ASIC2: variants seen among roughly 807,000 people sequenced by gnomAD.
ASIC2 encodes acid sensing ion channel subunit 2.
ASIC2 carries 25 observed loss-of-function variants against 57.3 expected under a neutral mutation model. The ratio of observed to expected loss-of-function variants is 0.44; its 90% CI spans 0.32 to 0.61. The LOEUF (loss-of-function observed/expected upper bound fraction) is 0.61. Ranked by LOEUF, ASIC2 falls within the 20% of genes least tolerant of loss-of-function variation. ASIC2 has a pLI of 0.06. For synonymous variants in ASIC2, 319 were observed against 307.5 expected, an observed-to-expected ratio of 1.04 and a Z score of -0.39; for missense variants, 641 against 738.1, an observed-to-expected ratio of 0.87 and a Z score of 1.52.
intron 1 of ASIC2, among the ~76,000 whole-genome samples, chr17:33,958,165 A>G (rs897192318): frequency 1.6e-4 from 24 of 152,230 alleles, no homozygotes; most frequent in African/African-American, 5.5e-4. Context: ...AGGTACAGCT[A>G]TCCTCCTGGC....
intron 1 of ASIC2, among the ~76,000 whole-genome samples, chr17:33,812,429 T>C (rs1912449679): frequency 6.6e-6 from 1 of 151,956 alleles, no homozygotes; most frequent in Non-Finnish European, 1.5e-5. Context: ...GGAGGAGAGA[T>C]TGGAGAGGAG....
At chr17:33,327,680 G>A (rs909947619) in intron 1 of ASIC2, among the ~76,000 whole-genome samples, 8 of 152,150 alleles carry the variant, frequency 5.3e-5, no homozygotes, top group South Asian at 2.1e-4. Context: ...TCGTTCATTA[G>A]AAAAGACTCC....
chr17:33,957,759 C>G (rs1302964864), intron 1 of ASIC2, among the ~76,000 whole-genome samples: 1 of 152,172 alleles, frequency 6.6e-6, no homozygotes, highest in Non-Finnish European at 1.5e-5. Context: ...TCCCAAATCT[C>G]ACGTCCTCAC....
At chr17:34,068,412 T>C (rs1909254685) in intron 1 of ASIC2, among the ~76,000 whole-genome samples, 1 of 152,190 alleles carries the variant, frequency 6.6e-6, no homozygotes, top group South Asian at 2.1e-4. Context: ...GAGATGCCTA[T>C]CTTTCCCTGG....
intron 1 of ASIC2, among the ~76,000 whole-genome samples, chr17:33,340,430 G>A (rs370486835): frequency 2.7e-3 from 410 of 152,266 alleles, no homozygotes; most frequent in Non-Finnish European, 4.7e-3. Context: ...GTTGGATACT[G>A]CTCTCTTTTT....
intron 1 of ASIC2, among the ~76,000 whole-genome samples, chr17:33,640,856 C>G (rs1166037596): frequency 6.6e-6 from 1 of 152,158 alleles, no homozygotes; most frequent in Non-Finnish European, 1.5e-5. Flanking sequence ...CGGCTGAGAG[C>G]AGGAATCCCC....
At chr17:34,046,696 T>C (rs907191855) in intron 1 of ASIC2, among the ~76,000 whole-genome samples, 1 of 152,228 alleles carries the variant, frequency 6.6e-6, no homozygotes, top group Non-Finnish European at 1.5e-5. Context: ...TGTATAGTAC[T>C]GAATGGGAAA....
chr17:33,254,267 T>C (rs1908982124), intron 1 of ASIC2, among the ~76,000 whole-genome samples: 1 of 152,144 alleles, frequency 6.6e-6, no homozygotes, highest in South Asian at 2.1e-4. Flanking sequence ...ATCAAACCTA[T>C]AATCCTCTCT....
At chr17:33,719,289 G>C (rs1329118696) in intron 1 of ASIC2, among the ~76,000 whole-genome samples, 1 of 152,196 alleles carries the variant, frequency 6.6e-6, no homozygotes, top group Non-Finnish European at 1.5e-5. Context: ...AGGGCTTGGT[G>C]ACCAGGAGTG....
Position 33,447,133 on chromosome 17 carries a change from C to T in ASIC2, c.556-335066G>A, listed in dbSNP as rs928098740. Among the ~76,000 whole-genome samples the T allele has an allele frequency of 7.9e-5, 12 of 152,256 alleles. 1 individual carries two copies. The South Asian group carries it at 1.2e-3, about 16-fold the overall frequency. ...TCCCTGTTTATTTTCTGCCTGCCTTCGTGAGTTTAGGTCCTGGTACATGAG... is the reference window on the plus strand; with the variant it reads ...TCCCTGTTTATTTTCTGCCTGCCTTTGTGAGTTTAGGTCCTGGTACATGAG... On this transcript the variant is annotated intron_variant, in intron 1 of 9. Transcript: ENST00000359872.
At chr17:33,249,189 A>G (rs1436678477) in intron 1 of ASIC2, among the ~76,000 whole-genome samples, 2 of 151,946 alleles carry the variant, frequency 1.3e-5, no homozygotes, top group Non-Finnish European at 2.9e-5. Context: ...AACAACTGGA[A>G]GGATGAAGGT....
Position 33,600,639 on chromosome 17 carries a change from A to G in ASIC2, c.556-488572T>C, listed in dbSNP as rs533532453. Among the ~76,000 whole-genome samples the G allele has an allele frequency of 2.2e-4, 34 of 152,322 alleles. No homozygotes were observed. In the Middle Eastern group the frequency reaches 0.024, roughly 107 times the overall value. On this transcript the variant is annotated intron_variant, in intron 1 of 9. Coordinates refer to the ASIC2 transcript ENST00000359872. ...GTGGCAATTTTTTTTAATTTTTGCAATCAGACCTTGGTGATGACCTTGAGT... is the reference window on the plus strand; with the variant it reads ...GTGGCAATTTTTTTTAATTTTTGCAGTCAGACCTTGGTGATGACCTTGAGT...
chr17:33,174,584 G>A (rs528112193), intron 1 of ASIC2, among the ~76,000 whole-genome samples: 6 of 152,124 alleles, frequency 3.9e-5, no homozygotes, highest in East Asian at 1.9e-4. Context: ...GTGGGGGCGC[G>A]ATGGGCTTGC....
At chr17:34,101,144 G>A (rs922220971) in intron 1 of ASIC2, among the ~76,000 whole-genome samples, 10 of 151,984 alleles carry the variant, frequency 6.6e-5, no homozygotes, top group African/African-American at 1.7e-4. Flanking sequence ...ATGTTCCCCC[G>A]CCCAGCTGTT....
At position 33,077,476 on chromosome 17, in the gene ASIC2, C is replaced by T. The variant is rs114025833; in HGVS notation, c.987+11387G>A. 7.5e-3 allele frequency among the ~76,000 whole-genome samples: 1,140 copies of T among 152,104 alleles called. 14 individuals are homozygous for T. Among genetic ancestry groups the T allele is most frequent in the African/African-American group, 0.026 (1,088 of 41,474 alleles). On this transcript the variant is annotated intron_variant, in intron 3 of 9. Coordinates refer to ENST00000225823, the MANE Select transcript of ASIC2 (RefSeq NM_183377.2). ...TGGAGCAAGACATGCAAATAACTTA[C>T]GTTATTAGGTAAAGTTATATTAATA...
intron 1 of ASIC2, among the ~76,000 whole-genome samples, chr17:33,933,982 A>G (rs891976324): frequency 3.3e-5 from 5 of 152,252 alleles, no homozygotes; most frequent in African/African-American, 1.2e-4. Flanking sequence ...TTTAATCAAC[A>G]GAACGTATTT....
rs549225590 is a variant in ASIC2 at position 33,306,188 on chromosome 17, A to G, written c.556-194121T>C. On this transcript the variant is annotated intron_variant, in intron 1 of 9. Coordinates refer to the ASIC2 transcript ENST00000359872. ...ATTTGAGAAAACAGTTCTAACGTTC[A>G]TGCCTCTATCAGAAACATTTTAGGG... Among the ~76,000 whole-genome samples, 3 of 152,330 alleles carry G rather than the reference A, an allele frequency of 2.0e-5. No individual in the cohort carries two copies. The South Asian group carries it at 6.2e-4, about 32-fold the overall frequency.
At chr17:33,982,244 C>T (rs1393681709) in intron 1 of ASIC2, among the ~76,000 whole-genome samples, 2 of 152,192 alleles carry the variant, frequency 1.3e-5, no homozygotes, top group African/African-American at 4.8e-5. Context: ...TATTTATTTA[C>T]CCTGCAATTA....
chr17:33,531,083 AACTT>A (rs1915036573), intron 1 of ASIC2, among the ~76,000 whole-genome samples: 1 of 120,726 alleles, frequency 8.3e-6, no homozygotes, highest in Non-Finnish European at 1.7e-5. Context: ...CTTATTGACT[AACTT>A]AGCTCAAAAT....
Sources: allele counts gnomAD v4.1 joint callset (sites outside exome capture counted in the v4.1 genomes callset), GRCh38; gene constraint gnomAD v4.1.1; transcripts MANE v1.5; gene names NCBI Gene and HGNC (gene_info 2026-07-23, HGNC 2026-07-21).